TMPRSS11A: variants seen among roughly 807,000 people sequenced by gnomAD.
The protein encoded by TMPRSS11A is transmembrane protease serine 11A.
In TMPRSS11A, 53 loss-of-function variants were observed where a neutral mutation model predicts 58.9. The observed-to-expected ratio is 0.90, with a 90% confidence interval of 0.72 to 1.13. The LOEUF is 1.13. Ranked by LOEUF, TMPRSS11A falls within the 50% of genes most tolerant of loss-of-function variation. The pLI is 0.00. For synonymous variants in TMPRSS11A, 167 were observed against 169.8 expected, an observed-to-expected ratio of 0.98 and a Z score of 0.13; for missense variants, 493 against 499.3, an observed-to-expected ratio of 0.99 and a Z score of 0.12.
At chr4:67,944,696 A>G (rs1463673677) in intron 2 of TMPRSS11A, 59 bp from the exon 3 acceptor site, 1 of 1,451,848 alleles carries the variant, frequency 6.9e-7, no homozygotes. Flanking sequence ...TCAGAACTCA[A>G]TTACAATGGG....
Position 67,911,059 on chromosome 4 carries a change from T to C in TMPRSS11A, c.*283A>G, listed in dbSNP as rs1719963547. 4.0e-6 allele frequency: 1 copy of C among 249,890 alleles called. No homozygotes were observed. The highest frequency in any genetic ancestry group is 7.6e-6 in the Non-Finnish European group (1 of 130,792). 15.5% of individuals were successfully genotyped at this position (249,890 alleles called of 1,614,324 possible). ...ATCCCATGGACTATCTTCAAAAATATGTATTGAGTCTCACTGGTACTTCAA... is the reference window on the plus strand; with the variant it reads ...ATCCCATGGACTATCTTCAAAAATACGTATTGAGTCTCACTGGTACTTCAA... On this transcript the variant is annotated 3_prime_UTR_variant, in exon 10 of 10. Coordinates refer to ENST00000508048, the MANE Select transcript of TMPRSS11A (RefSeq NM_001114387.2).
chr4:67,946,482 G>A lies in TMPRSS11A; in HGVS notation c.101C>T (p.Thr34Ile), dbSNP rs553455549. 3 of 1,608,174 alleles carry A rather than the reference G, an allele frequency of 1.9e-6. No homozygotes were observed. In the South Asian group the frequency reaches 3.3e-5, roughly 18 times the overall value. Residue 34 changes from threonine (T) to isoleucine (I), a missense_variant, in exon 2 of 10, where the codon ACC becomes ATC. Transcript: ENST00000508048. ...IVLSLTVVAVTIGLLVHFLVF... is the reference protein window; with the variant it reads ...IVLSLTVVAVIIGLLVHFLVF... ...TAGGAAGTGAACCAGGAGACCTATG[G>A]TCACTGCCACCACTGTCAGGGACAA...
At chr4:67,941,889 AGTTACAGATTT>A (rs1213242190) in intron 3 of TMPRSS11A, among the ~76,000 whole-genome samples, 7 of 152,220 alleles carry the variant, frequency 4.6e-5, no homozygotes, top group African/African-American at 1.7e-4. Flanking sequence ...TGATTACTTC[AGTTACAGATTT>A]CGGTTTCATA....
At chr4:67,945,022 C>T (rs1032891315) in intron 2 of TMPRSS11A, among the ~76,000 whole-genome samples, 2 of 152,136 alleles carry the variant, frequency 1.3e-5, no homozygotes, top group African/African-American at 4.8e-5. Flanking sequence ...CATTTCATTG[C>T]TACATTGCTC....
chr4:67,911,849 T>C (rs1220880868), intron 9 of TMPRSS11A, among the ~76,000 whole-genome samples: 2 of 152,154 alleles, frequency 1.3e-5, no homozygotes, highest in East Asian at 3.8e-4. Flanking sequence ...TGATTTCTTA[T>C]AGTATCTAAC....
intron 1 of TMPRSS11A, among the ~76,000 whole-genome samples, chr4:67,949,469 G>A (rs896971955): frequency 6.6e-6 from 1 of 152,184 alleles, no homozygotes; most frequent in South Asian, 2.1e-4. Context: ...AGCTACAGAA[G>A]CCATAGGTTA....
intron 9 of TMPRSS11A, among the ~76,000 whole-genome samples, chr4:67,913,910 G>C (rs1720072635): frequency 6.6e-6 from 1 of 152,184 alleles, no homozygotes; most frequent in Admixed American, 6.5e-5. Context: ...AGTGTCTCCA[G>C]GAAGAAACGT....
intron 1 of TMPRSS11A, among the ~76,000 whole-genome samples, chr4:67,947,573 T>G (rs1194051054): frequency 1.3e-5 from 2 of 152,240 alleles, no homozygotes; most frequent in African/African-American, 2.4e-5. Flanking sequence ...AAGTCTTGAT[T>G]AGATTTTGGT....
chr4:67,939,476 C>T (rs186280427), intron 3 of TMPRSS11A, among the ~76,000 whole-genome samples: 1 of 152,196 alleles, frequency 6.6e-6, no homozygotes. Context: ...TGAGAGTGAA[C>T]ATTCTTGTCT....
chr4:67,912,240 T>C (rs1342307700), intron 9 of TMPRSS11A, among the ~76,000 whole-genome samples: 2 of 151,960 alleles, frequency 1.3e-5, no homozygotes, highest in Non-Finnish European at 2.9e-5. Flanking sequence ...TCAGATAGCT[T>C]GTTAGTTCTT....
Position 67,920,470 on chromosome 4 carries a change from A to G in TMPRSS11A, c.693-1238T>C, listed in dbSNP as rs1577853434. The stretch of plus-strand genomic sequence containing the variant: ...CACTGACAAAGTCTCGAATGTTCAG[A>G]GAATAAGAACCAATGTGGTAGGGCA... On this transcript the variant is annotated intron_variant, in intron 7 of 9. Coordinates refer to ENST00000508048, the MANE Select transcript of TMPRSS11A (RefSeq NM_001114387.2). 2.0e-5 allele frequency among the ~76,000 whole-genome samples: 3 copies of G among 149,764 alleles called. No homozygotes were observed. The South Asian group carries it at 6.4e-4, about 32-fold the overall frequency.
At chr4:67,920,388 A>C (rs1011596625) in intron 7 of TMPRSS11A, among the ~76,000 whole-genome samples, 2 of 151,740 alleles carry the variant, frequency 1.3e-5, no homozygotes, top group Non-Finnish European at 2.9e-5. Flanking sequence ...TATGTGTGAC[A>C]CTAGTCACAC....
At chr4:67,923,615 T>C (rs1183357810) in intron 6 of TMPRSS11A, among the ~76,000 whole-genome samples, 2 of 152,204 alleles carry the variant, frequency 1.3e-5, no homozygotes, top group Non-Finnish European at 2.9e-5. Context: ...CAAGTGATTC[T>C]CCTGCCTCAG....
At chr4:67,925,793 C>T (rs1001708599) in intron 5 of TMPRSS11A, among the ~76,000 whole-genome samples, 2 of 152,142 alleles carry the variant, frequency 1.3e-5, no homozygotes, top group Admixed American at 6.5e-5. Context: ...GAAACTTTGT[C>T]AACTTAGTCT....
intron 5 of TMPRSS11A, 75 bp downstream of exon 5, chr4:67,929,805 A>G (rs1720564152): frequency 1.6e-6 from 2 of 1,279,012 alleles, no homozygotes; most frequent in Non-Finnish European, 2.1e-6. Context: ...GGAAATAATG[A>G]CAAATAAATT....
intron 1 of TMPRSS11A, among the ~76,000 whole-genome samples, chr4:67,958,304 G>A (rs1560576117): frequency 6.6e-6 from 1 of 152,198 alleles, no homozygotes; most frequent in Non-Finnish European, 1.5e-5. Flanking sequence ...GACACTCAAT[G>A]CCAGCCTGTG....
At chr4:67,938,212 G>A (rs752085672) in intron 3 of TMPRSS11A, among the ~76,000 whole-genome samples, 5 of 152,110 alleles carry the variant, frequency 3.3e-5, no homozygotes, top group Non-Finnish European at 7.4e-5. Flanking sequence ...CTTTTGTGAA[G>A]CATCTGTTCA....
intron 1 of TMPRSS11A, 135 bp downstream of exon 1, chr4:67,963,248 C>A: frequency 3.9e-6 from 3 of 766,032 alleles, no homozygotes; most frequent in Non-Finnish European, 4.1e-6. Flanking sequence ...ATGATAATTC[C>A]AGAAATTTAA....
chr4:67,931,542 C>T (rs1355104767), intron 4 of TMPRSS11A, among the ~76,000 whole-genome samples: 4 of 152,130 alleles, frequency 2.6e-5, no homozygotes, highest in African/African-American at 2.4e-5. Flanking sequence ...TTTAGGCATG[C>T]CTTATGTCAT....
Sources: allele counts gnomAD v4.1 joint callset (sites outside exome capture counted in the v4.1 genomes callset), GRCh38; gene constraint gnomAD v4.1.1; transcripts MANE v1.5; gene names NCBI Gene and HGNC (gene_info 2026-07-23, HGNC 2026-07-21).